Variants in LRRIQ3 observed in about 807,000 individuals in gnomAD.
The protein encoded by LRRIQ3 is leucine-rich repeat and IQ domain-containing protein 3.
In LRRIQ3, 75 loss-of-function variants were observed where a neutral mutation model predicts 59.3. The ratio of observed to expected loss-of-function variants is 1.26; its 90% CI spans 1.05 to 1.53. The LOEUF is 1.53. LRRIQ3 is among the 40% of genes most tolerant of loss of function. LRRIQ3 has a pLI of 0.00. For missense variants in LRRIQ3, 831 were observed against 710.0 expected, an observed-to-expected ratio of 1.17 and a Z score of -1.94; for synonymous variants, 250 against 231.3, an observed-to-expected ratio of 1.08 and a Z score of -0.73.
At chr1:74,167,574 A>C (rs1379620886) in intron 3 of LRRIQ3, among the ~76,000 whole-genome samples, 1 of 151,906 alleles carries the variant, frequency 6.6e-6, no homozygotes, top group Non-Finnish European at 1.5e-5. Flanking sequence ...TTTTTTTTTA[A>C]AGAATGATAC....
intron 3 of LRRIQ3, chr1:74,181,817 T>C (rs1441722966): frequency 6.6e-6 from 1 of 151,804 alleles, no homozygotes; most frequent in Non-Finnish European, 1.5e-5. Context: ...GTTTATATAT[T>C]CTTTTAGATA....
chr1:74,033,360 G>T (rs768517019), intron 7 of LRRIQ3, among the ~76,000 whole-genome samples: 1 of 151,852 alleles, frequency 6.6e-6, no homozygotes, highest in Non-Finnish European at 1.5e-5. Context: ...AAAGAACCTC[G>T]GAGCCTACAC....
At chr1:74,091,064 A>T (rs1460659411) in intron 5 of LRRIQ3, among the ~76,000 whole-genome samples, 2 of 152,130 alleles carry the variant, frequency 1.3e-5, no homozygotes, top group African/African-American at 2.4e-5. Context: ...TAAAATTTGC[A>T]GATCAGGAAT....
chr1:74,089,835 A>G (rs1646376131), intron 5 of LRRIQ3, among the ~76,000 whole-genome samples: 1 of 152,090 alleles, frequency 6.6e-6, no homozygotes, highest in African/African-American at 2.4e-5. Flanking sequence ...TGTGAATTAC[A>G]TCTCAGTAAA....
intron 4 of LRRIQ3, among the ~76,000 whole-genome samples, chr1:74,114,043 A>C (rs191297092): frequency 2.3e-4 from 35 of 151,878 alleles, no homozygotes; most frequent in African/African-American, 8.0e-4. Context: ...ATACACATAT[A>C]TATAATTGTA....
At position 74,100,429 on chromosome 1, in the gene LRRIQ3, C is replaced by T. The variant is rs181676105; in HGVS notation, c.867+8965G>A. Among the ~76,000 whole-genome samples, 247 of 152,216 alleles carry T rather than the reference C, an allele frequency of 1.6e-3. 3 individuals are homozygous for T. The highest frequency in any genetic ancestry group is 5.6e-4 in the Non-Finnish European group (38 of 68,026). ...AAGAGGACACAAACAAATGGAAGAA[C>T]GTTCCATGCTCATGGATAGGAAGAA... is the stretch of plus-strand genomic sequence containing the variant. On this transcript the variant is annotated intron_variant, in intron 5 of 7. Coordinates refer to ENST00000354431, the MANE Select transcript of LRRIQ3 (RefSeq NM_001105659.2).
At chr1:74,105,534 T>C (rs1039516214) in intron 5 of LRRIQ3, among the ~76,000 whole-genome samples, 1 of 152,038 alleles carries the variant, frequency 6.6e-6, no homozygotes, top group East Asian at 1.9e-4. Flanking sequence ...ATTACAGACG[T>C]GAGCCACCAT....
chr1:74,134,854 T>C (rs1457719185), intron 4 of LRRIQ3, among the ~76,000 whole-genome samples: 1 of 151,842 alleles, frequency 6.6e-6, no homozygotes, highest in Non-Finnish European at 1.5e-5. Context: ...ACATGTGATA[T>C]ATAAAAACCC....
chr1:74,104,393 T>C (rs1471687037), intron 5 of LRRIQ3, among the ~76,000 whole-genome samples: 1 of 151,996 alleles, frequency 6.6e-6, no homozygotes, highest in Non-Finnish European at 1.5e-5. Context: ...ACAATATTTG[T>C]AGGAGCTTTA....
chr1:74,080,455 T>C lies in LRRIQ3; in HGVS notation c.868-5665A>G, dbSNP rs148050242. ...TTTTCCCAAGAGAGATAATGATTTA[T>C]CTTTAAAAATTAAGGAGCGGTAGCA... is the stretch of plus-strand genomic sequence containing the variant. On this transcript the variant is annotated intron_variant, in intron 5 of 7. Transcript: ENST00000354431. 5.9e-4 allele frequency among the ~76,000 whole-genome samples: 89 copies of C among 151,802 alleles called. 1 individual carries two copies. The East Asian group carries it at 0.015, about 26-fold the overall frequency.
chr1:74,135,559 G>T (rs1647108932), intron 4 of LRRIQ3, among the ~76,000 whole-genome samples: 1 of 151,506 alleles, frequency 6.6e-6, no homozygotes, highest in African/African-American at 2.4e-5. Flanking sequence ...CAGTAATCAT[G>T]GTAAAATTAA....
chr1:74,056,529 CA>C (rs991303455), intron 6 of LRRIQ3, among the ~76,000 whole-genome samples: 9 of 152,026 alleles, frequency 5.9e-5, no homozygotes. Flanking sequence ...GTTGCAGACA[CA>C]AAATCAACAT....
rs903942266 is a variant in LRRIQ3, at chr1:74,181,145, A to G, written c.573+1393T>C. On this transcript the variant is annotated intron_variant, in intron 3 of 7. Transcript: ENST00000354431. The stretch of plus-strand genomic sequence containing the variant: ...TAAAATGTATAAAGCGCCTACCACA[A>G]TGGCATTCACTGAATATGTGTCTGT... The G allele has an allele frequency of 2.8e-5, 6 of 217,302 alleles. 1 individual carries two copies. The highest frequency in any genetic ancestry group is 5.6e-5 in the Non-Finnish European group (6 of 108,072). The allele number at this position is 217,302 out of a possible 1,614,324, so 13.5% of individuals were successfully genotyped here. A position where few individuals can be genotyped will look rare whatever the true frequency, so the allele number is the denominator to read the frequency against.
At chr1:74,063,406 T>C (rs1654784753) in intron 6 of LRRIQ3, among the ~76,000 whole-genome samples, 1 of 152,150 alleles carries the variant, frequency 6.6e-6, no homozygotes, top group Admixed American at 6.6e-5. Flanking sequence ...ATGTGGCTGC[T>C]TTAAATTGTT....
At chr1:74,091,969 T>C (rs989651742) in intron 5 of LRRIQ3, among the ~76,000 whole-genome samples, 9 of 152,064 alleles carry the variant, frequency 5.9e-5, no homozygotes, top group African/African-American at 2.2e-4. Context: ...AAATAATGCC[T>C]ACATATTTCA....
At chr1:74,118,405 C>A (rs1646807086) in intron 4 of LRRIQ3, among the ~76,000 whole-genome samples, 1 of 152,038 alleles carries the variant, frequency 6.6e-6, no homozygotes, top group Non-Finnish European at 1.5e-5. Context: ...TTAGAACTAA[C>A]CCATTACTTT....
intron 6 of LRRIQ3, among the ~76,000 whole-genome samples, chr1:74,052,030 T>C (rs889697452): frequency 5.3e-5 from 8 of 152,142 alleles, no homozygotes; most frequent in African/African-American, 1.7e-4. Context: ...ATAATTATAT[T>C]ATTTCCCTTT....
At chr1:74,141,369 A>T (rs1346777370) in intron 4 of LRRIQ3, among the ~76,000 whole-genome samples, 3 of 151,874 alleles carry the variant, frequency 2.0e-5, no homozygotes, top group African/African-American at 7.2e-5. Flanking sequence ...GATAGATGGC[A>T]ATGTTGCATC....
chr1:74,152,856 A>G (rs1051366190), intron 4 of LRRIQ3, among the ~76,000 whole-genome samples: 2 of 152,296 alleles, frequency 1.3e-5, no homozygotes, highest in Non-Finnish European at 2.9e-5. Flanking sequence ...ATTTATTTAC[A>G]TGCGGTTTCA....
Sources: gnomAD v4.1 joint callset for allele counts (sites outside exome capture counted in the v4.1 genomes callset) on GRCh38, gnomAD v4.1.1 for gene constraint, MANE v1.5 for transcripts, NCBI Gene and HGNC (gene_info 2026-07-23, HGNC 2026-07-21) for gene names.